The following GRSF1 variants were observed in gnomAD, a reference collection of about 807,000 sequenced individuals.
The protein encoded by GRSF1 is G-rich sequence factor 1.
Under a neutral mutation model 51.1 loss-of-function variants are expected in GRSF1, and 50 were observed. That is an observed-to-expected ratio of 0.98 (90% CI 0.78 to 1.24). The LOEUF (loss-of-function observed/expected upper bound fraction) is 1.24, where lower values mean the gene tolerates loss of function less well. Among genes scored for constraint, GRSF1 ranks in the 50% most tolerant of loss-of-function variants. The probability of loss-of-function intolerance (pLI) is 0.00; values close to 1 mark genes in which losing one functional copy is unlikely to be tolerated. For synonymous variants in GRSF1, 293 were observed against 253.3 expected, an observed-to-expected ratio of 1.16 and a Z score of -1.49; for missense variants, 700 against 639.7, an observed-to-expected ratio of 1.09 and a Z score of -1.02.
chr4:70,823,168 G>A (rs1434232359), intron 9 of GRSF1, among the ~76,000 whole-genome samples: 1 of 152,174 alleles, frequency 6.6e-6, no homozygotes. Context: ...GGCCGAGGCA[G>A]GCGGATCACC....
At chr4:70,831,748 T>C in intron 4 of GRSF1, 74 bp from the exon 5 acceptor site, 8 of 1,320,220 alleles carry the variant, frequency 6.1e-6, no homozygotes, top group Non-Finnish European at 8.3e-6. Context: ...ATTCACATAC[T>C]AATAAAATTT....
intron 9 of GRSF1, among the ~76,000 whole-genome samples, chr4:70,823,041 G>T (rs1733583682): frequency 6.6e-6 from 1 of 152,072 alleles, no homozygotes; most frequent in African/African-American, 2.4e-5. Flanking sequence ...AGTTTGCAGT[G>T]AGCCCAGACT....
intron 7 of GRSF1, chr4:70,825,675 T>C: frequency 2.9e-6 from 1 of 342,072 alleles, no homozygotes. Flanking sequence ...CTCACACCTG[T>C]AATCTCAACA....
At position 70,825,327 on chromosome 4, in the gene GRSF1, A is replaced by G. The variant is rs201134200; in HGVS notation, c.1362T>C (p.Val454=). 206 of 1,610,466 alleles carry G rather than the reference A, an allele frequency of 1.3e-4. 1 individual carries two copies. The African/African-American group carries it at 2.6e-3, about 20-fold the overall frequency. The change falls in exon 8 of 10, where the codon GTT becomes GTC. Residue 454 remains valine (V), a synonymous_variant. Coordinates refer to ENST00000254799, the MANE Select transcript of GRSF1 (RefSeq NM_002092.4). ...DVHFETHEDA[V]AAMLKDRSHV... ...GGGACCGATCCTTGAGCATCGCTGC[A>G]ACAGCATCCTCATGGGTCTCAAAGT...
Position 70,826,229 on chromosome 4 carries a change from C to T in GRSF1, c.1152G>A (p.Val384=), listed in dbSNP as rs1733731209. 6.2e-7 allele frequency: 1 copy of T among 1,610,272 alleles called. No homozygotes were observed. The highest frequency in any genetic ancestry group is 1.3e-5 in the African/African-American group (1 of 74,700). ...CAGCAGCCTCTGGAAGCTTTTCTGGCACCTCCTTAGGCAATTCTGAGAGGT... is the reference window on the plus strand; with the variant it reads ...CAGCAGCCTCTGGAAGCTTTTCTGGTACCTCCTTAGGCAATTCTGAGAGGT... The part of the protein sequence containing the change: ...SEKEIELPKE[V]PEKLPEAADF... Residue 384 remains valine, a synonymous_variant, in exon 7 of 10, where the codon GTG becomes GTA. Transcript: ENST00000254799.
chr4:70,838,668 A>C (rs555861509), intron 1 of GRSF1, among the ~76,000 whole-genome samples: 1 of 152,350 alleles, frequency 6.6e-6, no homozygotes, highest in African/African-American at 2.4e-5. Flanking sequence ...TCTACAAAGC[A>C]CAAAATATTT....
intron 1 of GRSF1, among the ~76,000 whole-genome samples, chr4:70,837,303 G>A (rs1311984080): frequency 1.3e-5 from 2 of 151,646 alleles, no homozygotes; most frequent in Non-Finnish European, 2.9e-5. Context: ...GGTGGCTCAC[G>A]CCTGTAATCC....
chr4:70,825,316 A>G lies in GRSF1; in HGVS notation c.1373T>C (p.Leu458Pro). The change falls in exon 8 of 10, where the codon CTC becomes CCC. Residue 458 changes from leucine (L) to proline (P), a missense_variant. Leu to Pro is a moderately conservative substitution (Grantham distance 98). Transcript: ENST00000254799. ...CTTACGAACGTGGGACCGATCCTTG[A>G]GCATCGCTGCAACAGCATCCTCATG... ...ETHEDAVAAMLKDRSHVHHRY... is the reference protein window; with the variant it reads ...ETHEDAVAAMPKDRSHVHHRY... 6.2e-7 allele frequency: 1 copy of G among 1,608,706 alleles called. No individual in the cohort carries two copies. Among genetic ancestry groups the G allele is most frequent in the Non-Finnish European group, 8.5e-7 (1 of 1,176,098 alleles).
In GRSF1 at chr4:70,818,191, A is replaced by T. The variant is rs1258311653; in HGVS notation, c.*2696T>A. On this transcript the variant is annotated 3_prime_UTR_variant, in exon 10 of 10. Transcript: ENST00000254799. ...GTAACTGGGATTACAGGCGTGTGCCACACCTGGCTAATTTTTGCATTTTCA... is the reference window on the plus strand; with the variant it reads ...GTAACTGGGATTACAGGCGTGTGCCTCACCTGGCTAATTTTTGCATTTTCA... 1 of 152,192 alleles carries T rather than the reference A, an allele frequency of 6.6e-6. No homozygotes were observed. Among genetic ancestry groups the T allele is most frequent in the Non-Finnish European group, 1.5e-5 (1 of 68,090 alleles). 9.4% of individuals were successfully genotyped at this position (152,192 alleles called of 1,614,324 possible).
At chr4:70,822,158 A>G (rs1733541473) in intron 9 of GRSF1, among the ~76,000 whole-genome samples, 2 of 152,186 alleles carry the variant, frequency 1.3e-5, no homozygotes, top group African/African-American at 2.4e-5. Context: ...CGGGTAGGTT[A>G]ACACTATAAA....
chr4:70,825,748 A>G (rs1042234614), intron 7 of GRSF1: 4 of 288,992 alleles, frequency 1.4e-5, no homozygotes, highest in Admixed American at 5.2e-5. Context: ...CCTGGCCAAC[A>G]TGGTGAAACC....
Position 70,825,358 on chromosome 4 carries a change from T to A in GRSF1, c.1331A>T (p.Asp444Val), listed in dbSNP as rs1733693844. The A allele has an allele frequency of 6.2e-7, 1 of 1,612,198 alleles. No individual in the cohort carries two copies. The highest frequency in any genetic ancestry group is 8.5e-7 in the Non-Finnish European group (1 of 1,178,656). The change falls in exon 8 of 10, where the codon GAT (aspartate) becomes GTT (valine). Residue 444 changes from aspartate (D) to valine (V), a missense_variant. Transcript: ENST00000254799. ...SSSGKATGEA[D>V]VHFETHEDAV... ...ATCCTCATGGGTCTCAAAGTGCACA[T>A]CAGCTTCTCCAGTGGCCTTCCCACT...
At chr4:70,822,583 CAAAAAAAAA>C (rs749025985) in intron 9 of GRSF1, among the ~76,000 whole-genome samples, 138 of 20,522 alleles carry the variant, frequency 6.7e-3, no homozygotes, top group African/African-American at 0.015. Context: ...GATTTCATAT[CAAAAAAAAA>C]AAAAAAAAAA....
In GRSF1 at chr4:70,833,158, T is replaced by G. The variant is rs370382672; in HGVS notation, c.630A>C (p.Leu210Phe). The change falls in exon 3 of 10, where the codon TTA (leucine) becomes TTC (phenylalanine). Residue 210 changes from leucine (L) to phenylalanine (F), a missense_variant. Coordinates refer to ENST00000254799, the MANE Select transcript of GRSF1 (RefSeq NM_002092.4). ...MESEQDVQKA[L>F]EKHRMYMGQR... ...GGCCCATGTACATGCGGTGCTTCTC[T>G]AAGGCTTTCTGCACATCCTGCTCTG... 3 of 1,613,874 alleles carry G rather than the reference T, an allele frequency of 1.9e-6. No individual in the cohort carries two copies. In the African/African-American group the frequency reaches 4.0e-5, roughly 22 times the overall value.
rs11419852 is a variant in GRSF1, at chr4:70,837,563, C to CAAAA, written c.358-1253_358-1250dup. ...TGGGCAACAGAGCAAGACTCCGTCTCAAAAAAAAAAAAAAAAAAAGACTTG... is the reference window on the plus strand; with the variant it reads ...TGGGCAACAGAGCAAGACTCCGTCTCAAAAAAAAAAAAAAAAAAAAAAAGACTTG... On this transcript the variant is annotated intron_variant, in intron 1 of 9. Coordinates refer to ENST00000254799, the MANE Select transcript of GRSF1 (RefSeq NM_002092.4). Among the ~76,000 whole-genome samples, 138 of 89,036 alleles carry CAAAA rather than the reference C, an allele frequency of 1.5e-3. 3 individuals carry two copies. Among genetic ancestry groups the CAAAA allele is most frequent in the African/African-American group, 5.9e-3 (131 of 22,034 alleles). The allele number at this position is 89,036 out of a possible 152,430, so 58.4% of individuals were successfully genotyped here.
At chr4:70,832,110 CCCT>C (rs1194188775) in intron 4 of GRSF1, among the ~76,000 whole-genome samples, 194 bp downstream of exon 4, 2 of 152,024 alleles carry the variant, frequency 1.3e-5, no homozygotes, top group African/African-American at 4.8e-5. Flanking sequence ...AATCTGACTT[CCCT>C]CCTAAAATCT....
chr4:70,826,554 C>T (rs1305227694), intron 6 of GRSF1, among the ~76,000 whole-genome samples: 2 of 148,464 alleles, frequency 1.3e-5, no homozygotes, highest in Non-Finnish European at 1.5e-5. Context: ...AAAAAAAGAA[C>T]AAAGGCTGGG....
upstream of GRSF1, chr4:70,839,909 G>C (rs970017025): frequency 6.8e-6 from 9 of 1,319,380 alleles, no homozygotes; most frequent in African/African-American, 6.2e-5. Context: ...GGGCCGGTTG[G>C]GGGTGGGGTG....
chr4:70,826,049 C>G (rs1733722141), intron 7 of GRSF1, 75 bp downstream of exon 7: 2 of 1,261,736 alleles, frequency 1.6e-6, no homozygotes, highest in African/African-American at 3.0e-5. Flanking sequence ...TCTCTACCTT[C>G]CCCAAATTAA....
Sources: allele counts gnomAD v4.1 joint callset (sites outside exome capture counted in the v4.1 genomes callset), GRCh38; gene constraint gnomAD v4.1.1; transcripts MANE v1.5; gene names NCBI Gene and HGNC (gene_info 2026-07-23, HGNC 2026-07-21).